Variants in CEPT1 observed in about 807,000 individuals in gnomAD.
CEPT1 encodes the protein choline/ethanolaminephosphotransferase 1.
CEPT1 carries 7 observed loss-of-function variants against 42.6 expected under a neutral mutation model. The ratio of observed to expected loss-of-function variants is 0.16; its 90% CI spans 0.09 to 0.31. CEPT1 has a LOEUF of 0.31. CEPT1 is among the 10% of genes least tolerant of loss of function. The probability of loss-of-function intolerance (pLI) is 1.00; values close to 1 mark genes in which losing one functional copy is unlikely to be tolerated. For missense variants in CEPT1, 306 were observed against 502.1 expected, an observed-to-expected ratio of 0.61 and a Z score of 3.73; for synonymous variants, 171 against 171.9, an observed-to-expected ratio of 0.99 and a Z score of 0.04.
chr1:111,143,835 T>G (rs1654800521), intron 1 of CEPT1, among the ~76,000 whole-genome samples: 1 of 152,068 alleles, frequency 6.6e-6, no homozygotes, highest in South Asian at 2.1e-4. Flanking sequence ...CCTCCCGGGC[T>G]CAAGCAATCC....
At chr1:111,153,867 TA>T (rs1214405901) in intron 2 of CEPT1, among the ~76,000 whole-genome samples, 1 of 152,204 alleles carries the variant, frequency 6.6e-6, no homozygotes, top group African/African-American at 2.4e-5. Flanking sequence ...CTTTTTAGTG[TA>T]TTTTGAAGTC....
intron 4 of CEPT1, among the ~76,000 whole-genome samples, chr1:111,168,085 G>A (rs561192319): frequency 6.6e-6 from 1 of 151,944 alleles, no homozygotes; most frequent in East Asian, 1.9e-4. Context: ...TGTTGCCTAG[G>A]ATGGTCTTGA....
intron 5 of CEPT1, among the ~76,000 whole-genome samples, chr1:111,176,035 T>C (rs1033060555): frequency 9.2e-5 from 14 of 152,186 alleles, no homozygotes; most frequent in African/African-American, 3.4e-4. Flanking sequence ...CTTGAGGAAG[T>C]GTAATTGATA....
intron 5 of CEPT1, chr1:111,179,842 G>A (rs1277794035): frequency 6.6e-6 from 1 of 152,172 alleles, no homozygotes; most frequent in Non-Finnish European, 1.5e-5. Flanking sequence ...AATAACCAGG[G>A]CTCTAGAGAG....
intron 2 of CEPT1, 106 bp from the exon 3 acceptor site, chr1:111,159,274 C>T: frequency 9.7e-7 from 1 of 1,027,230 alleles, no homozygotes; most frequent in Admixed American, 2.4e-5. Context: ...TGGATCTTCT[C>T]TCCCATAGCT....
chr1:111,176,223 A>G (rs190002770), intron 5 of CEPT1, among the ~76,000 whole-genome samples: 3 of 152,314 alleles, frequency 2.0e-5, no homozygotes, highest in Admixed American at 1.3e-4. Context: ...AGATTTCACT[A>G]TAGAGACCCT....
In CEPT1 at chr1:111,184,929, TGTG is replaced by T. The variant is rs1471938042; in HGVS notation, c.*622_*624del. 6.6e-6 allele frequency: 1 copy of T among 150,968 alleles called. No homozygotes were observed. Among genetic ancestry groups the T allele is most frequent in the African/African-American group, 2.4e-5 (1 of 40,904 alleles). 9.4% of individuals were successfully genotyped at this position (150,968 alleles called of 1,614,324 possible). A position where few individuals can be genotyped will look rare whatever the true frequency, so the allele number is the denominator to read the frequency against. On this transcript the variant is annotated 3_prime_UTR_variant, in exon 9 of 9. Transcript: ENST00000357172. ...GAAATCCTGTTAGCATGCAGAATAA[TGTG>T]GTAACTTTGTCAATTTCCCATTTTA...
At chr1:111,182,044 A>G (rs539440343) in intron 5 of CEPT1, 143 bp from the exon 6 acceptor site, 1 of 528,572 alleles carries the variant, frequency 1.9e-6, no homozygotes, top group Non-Finnish European at 3.3e-6. Flanking sequence ...TATAATGAAG[A>G]GGAAAAGGAC....
intron 4 of CEPT1, among the ~76,000 whole-genome samples, chr1:111,162,013 AT>A (rs955418336): frequency 2.0e-5 from 3 of 152,298 alleles, no homozygotes; most frequent in Admixed American, 6.5e-5. Context: ...TGAAGTATGT[AT>A]TTAGAGAACT....
chr1:111,161,070 T>C (rs1655845191), intron 3 of CEPT1, 85 bp from the exon 4 acceptor site: 7 of 1,394,886 alleles, frequency 5.0e-6, no homozygotes, highest in Admixed American at 1.7e-5. Context: ...TTACAGCATA[T>C]CTTTTTGTCT....
At chr1:111,153,785 A>G (rs1049800939) in intron 2 of CEPT1, among the ~76,000 whole-genome samples, 9 of 152,024 alleles carry the variant, frequency 5.9e-5, no homozygotes, top group African/African-American at 2.2e-4. Flanking sequence ...ACATAGATTT[A>G]TTTCTGGGTT....
chr1:111,166,209 A>G (rs1228358946), intron 4 of CEPT1, among the ~76,000 whole-genome samples: 1 of 152,186 alleles, frequency 6.6e-6, no homozygotes, highest in Non-Finnish European at 1.5e-5. Flanking sequence ...TAAAACCTAG[A>G]TTGCAGTTTG....
At chr1:111,167,866 A>G in intron 4 of CEPT1, 1 of 656,990 alleles carries the variant, frequency 1.5e-6, no homozygotes, top group Non-Finnish European at 1.9e-6. Flanking sequence ...TCTCTAATGT[A>G]CTGCTAAAAG....
intron 4 of CEPT1, among the ~76,000 whole-genome samples, chr1:111,163,053 A>C (rs1655950822): frequency 6.6e-6 from 1 of 152,152 alleles, no homozygotes; most frequent in Admixed American, 6.5e-5. Context: ...ACAATAGCTA[A>C]AGATATAGGA....
intron 5 of CEPT1, among the ~76,000 whole-genome samples, chr1:111,175,914 G>A (rs1395974517): frequency 6.6e-6 from 1 of 152,042 alleles, no homozygotes; most frequent in Non-Finnish European, 1.5e-5. Context: ...AGATTTACTA[G>A]ACCTAAATTA....
rs1053398574 is a variant in CEPT1, at chr1:111,176,664, A to T, written c.714+1701A>T. On this transcript the variant is annotated intron_variant, in intron 5 of 8. Coordinates refer to ENST00000357172, the MANE Select transcript of CEPT1 (RefSeq NM_006090.5). ...ACAATATTTGCATATACATGATGAG[A>T]TATCTTGGTATCTTGAGATACCAAG... Among the ~76,000 whole-genome samples, 17 of 152,326 alleles carry T rather than the reference A, an allele frequency of 1.1e-4. No individual in the cohort carries two copies. The South Asian group carries it at 3.1e-3, about 28-fold the overall frequency.
At chr1:111,175,028 T>C in intron 5 of CEPT1, 65 bp downstream of exon 5, 6 of 981,636 alleles carry the variant, frequency 6.1e-6, no homozygotes, top group Non-Finnish European at 9.9e-6. Context: ...TTTTCTAATA[T>C]GGGATAATCC....
At chr1:111,156,706 G>C (rs957433983) in intron 2 of CEPT1, among the ~76,000 whole-genome samples, 3 of 152,322 alleles carry the variant, frequency 2.0e-5, no homozygotes, top group Admixed American at 2.0e-4. Context: ...TCTGTCCAGT[G>C]CTGAAAGTGA....
chr1:111,164,559 G>C (rs1025309465), intron 4 of CEPT1, among the ~76,000 whole-genome samples: 2 of 152,130 alleles, frequency 1.3e-5, no homozygotes, highest in African/African-American at 4.8e-5. Context: ...CTGAATGGGA[G>C]AGTTCACATT....
Sources: allele counts gnomAD v4.1 joint callset (sites outside exome capture counted in the v4.1 genomes callset), GRCh38; gene constraint gnomAD v4.1.1; transcripts MANE v1.5; gene names NCBI Gene and HGNC (gene_info 2026-07-23, HGNC 2026-07-21).